The following NPHP1 variants were observed in gnomAD, a reference collection of about 807,000 sequenced individuals.
NPHP1 encodes nephrocystin-1.
Under a neutral mutation model 90.4 loss-of-function variants are expected in NPHP1, and 70 were observed. The observed-to-expected ratio is 0.77, with a 90% CI of 0.64 to 0.95. NPHP1 has a LOEUF of 0.95. Among genes scored for constraint, NPHP1 ranks in the 40% least tolerant of loss-of-function variants. The pLI, the probability that NPHP1 is intolerant of heterozygous loss-of-function variation, is 0.00. For missense variants in NPHP1, 764 were observed against 795.9 expected, an observed-to-expected ratio of 0.96 and a Z score of 0.48; for synonymous variants, 256 against 271.7, an observed-to-expected ratio of 0.94 and a Z score of 0.57.
At chr2:110,159,966 C>T (rs1682185988) in intron 11 of NPHP1, among the ~76,000 whole-genome samples, 161 bp downstream of exon 11, 1 of 151,972 alleles carries the variant, frequency 6.6e-6, no homozygotes, top group Non-Finnish European at 1.5e-5. Flanking sequence ...ACCTGTATCT[C>T]ATTTAAAAAA....
intron 5 of NPHP1, among the ~76,000 whole-genome samples, chr2:110,169,044 ACACT>A (rs1158726336): frequency 1.3e-5 from 2 of 152,062 alleles, no homozygotes; most frequent in African/African-American, 2.4e-5. Flanking sequence ...GTTTTGAATA[ACACT>A]CACTCATTTA....
Position 110,139,966 on chromosome 2 carries a change from G to A in NPHP1, c.1529+3576C>T, listed in dbSNP as rs564991288. Among the ~76,000 whole-genome samples the A allele has an allele frequency of 2.0e-5, 3 of 152,220 alleles. No homozygotes were observed. The East Asian group carries it at 5.8e-4, about 29-fold the overall frequency. On this transcript the variant is annotated intron_variant, in intron 16 of 19. Coordinates refer to ENST00000445609, the MANE Select transcript of NPHP1 (RefSeq NM_001128178.3). ...CTCCAGGATGCACAGGCTCAGTGAT[G>A]TCCAAAAGGGCCCAGGCTGGTGCCT... is the stretch of plus-strand genomic sequence containing the variant.
chr2:110,202,728 T>C (rs542083574), intron 1 of NPHP1, among the ~76,000 whole-genome samples: 9 of 152,264 alleles, frequency 5.9e-5, no homozygotes, highest in African/African-American at 1.9e-4. Flanking sequence ...TGAGGTACCA[T>C]CTCACACTGG....
chr2:110,136,766 T>G (rs1680232542), intron 16 of NPHP1, among the ~76,000 whole-genome samples: 1 of 152,144 alleles, frequency 6.6e-6, no homozygotes, highest in Non-Finnish European at 1.5e-5. Context: ...ATTTATAGAT[T>G]CAATGCCATC....
At chr2:110,146,607 C>T (rs1469009886) in intron 14 of NPHP1, 146 bp downstream of exon 14, 3 of 696,000 alleles carry the variant, frequency 4.3e-6, no homozygotes, top group South Asian at 1.6e-5. Context: ...TTTTCATACA[C>T]TGCCTAAACA....
chr2:110,143,748 G>C (rs1680816309), intron 15 of NPHP1, 107 bp from the exon 16 acceptor site: 3 of 791,450 alleles, frequency 3.8e-6, no homozygotes, highest in African/African-American at 3.4e-5. Flanking sequence ...GTGCTGAATT[G>C]AATGAAAGGC....
At chr2:110,141,387 T>C (rs934973004) in intron 16 of NPHP1, among the ~76,000 whole-genome samples, 5 of 152,190 alleles carry the variant, frequency 3.3e-5, no homozygotes, top group South Asian at 4.2e-4. Flanking sequence ...GGGGTTGATA[T>C]TATTATTATT....
intron 19 of NPHP1, chr2:110,124,547 G>A (rs146200025): frequency 2.0e-3 from 451 of 228,192 alleles, no homozygotes; most frequent in Non-Finnish European, 3.5e-3. Flanking sequence ...GATGGAGGTC[G>A]AGGGGTCCTT....
At chr2:110,184,598 G>A (rs758706650) in intron 2 of NPHP1, 2 of 1,181,868 alleles carry the variant, frequency 1.7e-6, no homozygotes, top group Non-Finnish European at 2.5e-6. Flanking sequence ...ACTCCATCAT[G>A]CGAATTGACA....
intron 2 of NPHP1, chr2:110,184,457 G>C (rs1244031588): frequency 1.4e-6 from 1 of 735,728 alleles, no homozygotes; most frequent in Non-Finnish European, 2.3e-6. Context: ...GCTTCAATGT[G>C]CCTGCTATTT....
At chr2:110,204,289 A>G (rs981232064) in intron 1 of NPHP1, among the ~76,000 whole-genome samples, 1 of 152,154 alleles carries the variant, frequency 6.6e-6, no homozygotes, top group Admixed American at 6.5e-5. Flanking sequence ...CATTTTTGTG[A>G]TACCTTATGT....
At chr2:110,163,342 TGCCC>T (rs1427230283) in intron 8 of NPHP1, 4 of 567,372 alleles carry the variant, frequency 7.1e-6, no homozygotes, top group Non-Finnish European at 1.3e-5. Context: ...CCCCATACAG[TGCCC>T]AGCGTGCAGA....
intron 16 of NPHP1, among the ~76,000 whole-genome samples, chr2:110,142,259 G>C (rs1029332034): frequency 6.6e-6 from 1 of 152,002 alleles, no homozygotes; most frequent in African/African-American, 2.4e-5. Flanking sequence ...CTTATGGTGG[G>C]TTATAGCCCC....
At chr2:110,140,976 C>T (rs541146372) in intron 16 of NPHP1, among the ~76,000 whole-genome samples, 4 of 152,146 alleles carry the variant, frequency 2.6e-5, no homozygotes, top group African/African-American at 9.7e-5. Context: ...AGGAGCATGC[C>T]AAGTCTTCAC....
At position 110,164,685 on chromosome 2, in the gene NPHP1, C is replaced by T. The variant is rs1365022834; in HGVS notation, c.771+3G>A. ...CATGATTAACAAGACAGAAGATGCC[C>T]GCCTCTGAAATCGCTTTCTGAACAG... On this transcript the variant is annotated splice_donor_region_variant and intron_variant, in intron 8 of 19. Transcript: ENST00000445609. The T allele has an allele frequency of 3.7e-6, 6 of 1,613,878 alleles. No homozygotes were observed. Among genetic ancestry groups the T allele is most frequent in the African/African-American group, 2.7e-5 (2 of 74,850 alleles).
At chr2:110,196,391 A>G (rs1003574628) in intron 2 of NPHP1, among the ~76,000 whole-genome samples, 1 of 152,172 alleles carries the variant, frequency 6.6e-6, no homozygotes, top group Non-Finnish European at 1.5e-5. Flanking sequence ...GCAGCCAAAA[A>G]ACACATGAAA....
At chr2:110,136,482 G>A (rs1053258230) in intron 16 of NPHP1, among the ~76,000 whole-genome samples, 6 of 152,164 alleles carry the variant, frequency 3.9e-5, no homozygotes, top group African/African-American at 1.4e-4. Context: ...AAGTCTTAGG[G>A]TACAAAATCC....
intron 14 of NPHP1, among the ~76,000 whole-genome samples, chr2:110,145,571 T>C (rs1574088207): frequency 1.3e-5 from 2 of 152,118 alleles, no homozygotes; most frequent in African/African-American, 4.8e-5. Context: ...ATTACAGGCA[T>C]TGTGAGCCAC....
At chr2:110,172,386 C>A (rs6738643) in intron 4 of NPHP1, among the ~76,000 whole-genome samples, 1 of 151,924 alleles carries the variant, frequency 6.6e-6, no homozygotes, top group Admixed American at 6.6e-5. Flanking sequence ...TTTATTATTT[C>A]TTTCCTGCTC....
Sources: gnomAD v4.1 joint callset for allele counts (sites outside exome capture counted in the v4.1 genomes callset) on GRCh38, gnomAD v4.1.1 for gene constraint, MANE v1.5 for transcripts, NCBI Gene and HGNC (gene_info 2026-07-23, HGNC 2026-07-21) for gene names.